IPCEF1: variants seen among roughly 807,000 people sequenced by gnomAD.
IPCEF1 encodes the protein interactor protein for cytohesin exchange factors 1.
IPCEF1 carries 31 observed loss-of-function variants against 50.9 expected under a neutral mutation model. The ratio of observed to expected loss-of-function variants is 0.61; its 90% CI spans 0.46 to 0.82. The LOEUF is 0.82. IPCEF1 is among the 40% of genes least tolerant of loss of function. The probability of loss-of-function intolerance (pLI) is 0.00; values close to 1 mark genes in which losing one functional copy is unlikely to be tolerated. For missense variants in IPCEF1, 458 were observed against 514.0 expected, an observed-to-expected ratio of 0.89 and a Z score of 1.05; for synonymous variants, 181 against 192.0, an observed-to-expected ratio of 0.94 and a Z score of 0.47.
At chr6:154,267,401 T>A (rs1781783758) in intron 2 of IPCEF1, among the ~76,000 whole-genome samples, 1 of 152,052 alleles carries the variant, frequency 6.6e-6, no homozygotes, top group Non-Finnish European at 1.5e-5. Flanking sequence ...TGGAAAAAAA[T>A]TAAGTGATGG....
At chr6:154,160,500 T>C (rs1000844915) in intron 11 of IPCEF1, among the ~76,000 whole-genome samples, 7 of 152,252 alleles carry the variant, frequency 4.6e-5, no homozygotes, top group Admixed American at 2.6e-4. Flanking sequence ...ATTATCTTTA[T>C]TTTTAATAAA....
At chr6:154,241,750 GCTGCTAGGTT>G (rs1780614119) in intron 5 of IPCEF1, among the ~76,000 whole-genome samples, 1 of 152,060 alleles carries the variant, frequency 6.6e-6, no homozygotes, top group Non-Finnish European at 1.5e-5. Context: ...CCAATCTATT[GCTGCTAGGTT>G]CATATTTTTC....
chr6:154,240,043 C>G (rs767920574), intron 5 of IPCEF1, among the ~76,000 whole-genome samples: 7 of 152,086 alleles, frequency 4.6e-5, no homozygotes, highest in Non-Finnish European at 7.4e-5. Flanking sequence ...GTTTGGGATA[C>G]GCTCAGAGGC....
At chr6:154,355,008 A>G (rs568678462) in intron 1 of IPCEF1, among the ~76,000 whole-genome samples, 2 of 10,338 alleles carry the variant, frequency 1.9e-4, no homozygotes, top group African/African-American at 1.2e-3. Context: ...ACACACACAC[A>G]CACACACACA....
chr6:154,302,335 G>A (rs1360241538), intron 1 of IPCEF1, among the ~76,000 whole-genome samples: 3 of 152,158 alleles, frequency 2.0e-5, no homozygotes, highest in Admixed American at 6.5e-5. Context: ...TCTTTCTTGT[G>A]TGCTTTATTT....
At chr6:154,318,858 C>T (rs6935439) in intron 1 of IPCEF1, among the ~76,000 whole-genome samples, 8,981 of 152,174 alleles carry the variant, frequency 0.059, 904 homozygotes, top group African/African-American at 0.2. Context: ...AAGATATGAT[C>T]TGTTTCAGCA....
At chr6:154,186,523 C>T (rs1456642181) in intron 10 of IPCEF1, among the ~76,000 whole-genome samples, 1 of 152,114 alleles carries the variant, frequency 6.6e-6, no homozygotes, top group African/African-American at 2.4e-5. Context: ...CCCTCATGTC[C>T]GTGCACGGAG....
intron 3 of IPCEF1, among the ~76,000 whole-genome samples, chr6:154,259,555 G>A (rs1781542822): frequency 6.6e-6 from 1 of 152,090 alleles, no homozygotes; most frequent in Non-Finnish European, 1.5e-5. Flanking sequence ...GGGAGGCTGA[G>A]GCAGGAAAAT....
At chr6:154,191,672 TCAACAACAACAACAA>T (rs140096033) in intron 10 of IPCEF1, among the ~76,000 whole-genome samples, 5 of 149,688 alleles carry the variant, frequency 3.3e-5, no homozygotes, top group Admixed American at 6.6e-5. Flanking sequence ...AGACTTTGCC[TCAACAACAACAACAA>T]CAACAACAAC....
chr6:154,323,648 A>T (rs762927086), intron 1 of IPCEF1, among the ~76,000 whole-genome samples: 2 of 152,294 alleles, frequency 1.3e-5, no homozygotes, highest in African/African-American at 2.4e-5. Context: ...ATGATGTCTG[A>T]TTCCTTCAAA....
At chr6:154,224,883 G>A (rs1262403572) in intron 5 of IPCEF1, among the ~76,000 whole-genome samples, 1 of 152,088 alleles carries the variant, frequency 6.6e-6, no homozygotes, top group African/African-American at 2.4e-5. Flanking sequence ...ATTACTGGAT[G>A]CTGATTCTCG....
rs574100806 is a variant in IPCEF1, at chr6:154,284,606, G to A, written c.-18+5107C>T. On this transcript the variant is annotated intron_variant, in intron 2 of 11. Coordinates refer to ENST00000367220, the MANE Select transcript of IPCEF1 (RefSeq NM_001130700.2). ...CACCTATTGACATGGTGGTGTTGCA[G>A]GATGGTGGAGCTTTCATCAGCCTGA... is the stretch of plus-strand genomic sequence containing the variant. Among the ~76,000 whole-genome samples the A allele has an allele frequency of 2.2e-4, 34 of 152,316 alleles. No individual in the cohort carries two copies. In the South Asian group the frequency reaches 6.8e-3, roughly 31 times the overall value.
At chr6:154,351,701 G>A (rs1784122473) in intron 1 of IPCEF1, among the ~76,000 whole-genome samples, 1 of 152,150 alleles carries the variant, frequency 6.6e-6, no homozygotes, top group Non-Finnish European at 1.5e-5. Context: ...TGCCTATTGT[G>A]GTGGTTTGAG....
intron 3 of IPCEF1, among the ~76,000 whole-genome samples, chr6:154,256,537 GTC>G (rs10644644): frequency 0.072 from 10,534 of 145,710 alleles, 611 homozygotes; most frequent in African/African-American, 0.16. Context: ...CTCTGTCTCC[GTC>G]TCTCTCTCTC....
rs1398041653 is a variant in IPCEF1 at position 154,167,943 on chromosome 6, G to A, written c.1081C>T (p.Arg361Ter). ...ACCTTTAATGTGCTATTCAATGTTC[G>A]GATTTTGTGGAGTTTCTCGTTTATA... ...PSINEKLHKI[R>*]TLNSTLKCKE... Residue 361 changes from arginine (R) to a stop codon, truncating the protein, a stop_gained, in exon 11 of 12, where the codon CGA (arginine) becomes TGA (stop). Coordinates refer to ENST00000367220, the MANE Select transcript of IPCEF1 (RefSeq NM_001130700.2). LOFTEE classifies it high-confidence loss of function. 1.9e-6 allele frequency: 3 copies of A among 1,596,484 alleles called. No homozygotes were observed. The highest frequency in any genetic ancestry group is 1.7e-6 in the Non-Finnish European group (2 of 1,166,098).
intron 1 of IPCEF1, among the ~76,000 whole-genome samples, chr6:154,312,202 A>G (rs1311963189): frequency 6.6e-6 from 1 of 152,222 alleles, no homozygotes; most frequent in Non-Finnish European, 1.5e-5. Context: ...GTTACATGAA[A>G]TAAGCCAGTC....
Position 154,159,337 on chromosome 6 carries a change from A to G in IPCEF1, c.*491T>C, listed in dbSNP as rs571526404. 9.8e-5 allele frequency: 16 copies of G among 162,724 alleles called. No homozygotes were observed. The highest frequency in any genetic ancestry group is 3.6e-4 in the African/African-American group (15 of 41,612). 10.1% of individuals were successfully genotyped at this position (162,724 alleles called of 1,614,324 possible). A position where few individuals can be genotyped will look rare whatever the true frequency, so the allele number is the denominator to read the frequency against. On this transcript the variant is annotated 3_prime_UTR_variant, in exon 12 of 12. Transcript: ENST00000367220. ...CAAAGGCAAGGAATTTTTGTTCTGC[A>G]ACACCACGTTTGTCCTTCCAGTCAC...
At chr6:154,211,854 A>T (rs1168157961) in intron 9 of IPCEF1, among the ~76,000 whole-genome samples, 5 of 152,200 alleles carry the variant, frequency 3.3e-5, no homozygotes, top group Admixed American at 1.3e-4. Context: ...ATAGAATAAT[A>T]AATTAAGAAA....
intron 1 of IPCEF1, among the ~76,000 whole-genome samples, chr6:154,323,078 G>C (rs1470631178): frequency 6.6e-6 from 1 of 152,134 alleles, no homozygotes; most frequent in African/African-American, 2.4e-5. Context: ...AGCAGGTGTT[G>C]TCAGCTCTGC....
Sources: allele counts gnomAD v4.1 joint callset (sites outside exome capture counted in the v4.1 genomes callset), GRCh38; gene constraint gnomAD v4.1.1; transcripts MANE v1.5; gene names NCBI Gene and HGNC (gene_info 2026-07-23, HGNC 2026-07-21).